Variants in SCLY observed in about 807,000 individuals in gnomAD.
SCLY encodes the protein putative selenocysteine lyase.
In SCLY, 38 loss-of-function variants were observed where a neutral mutation model predicts 50.1. The observed-to-expected ratio is 0.76, with a 90% confidence interval of 0.59 to 0.99. SCLY has a LOEUF of 0.99. SCLY is among the 50% of genes least tolerant of loss of function. SCLY has a pLI of 0.00. For missense variants in SCLY, 600 were observed against 620.0 expected, an observed-to-expected ratio of 0.97 and a Z score of 0.34; for synonymous variants, 243 against 249.4, an observed-to-expected ratio of 0.97 and a Z score of 0.24.
chr2:238,070,235 A>C (rs992300884), intron 4 of SCLY, among the ~76,000 whole-genome samples: 1 of 152,162 alleles, frequency 6.6e-6, no homozygotes, highest in Non-Finnish European at 1.5e-5. Context: ...AATCAACACT[A>C]TCCTTGAGAC....
intron 7 of SCLY, among the ~76,000 whole-genome samples, chr2:238,090,577 A>G (rs910249929): frequency 5.3e-5 from 8 of 152,168 alleles, no homozygotes; most frequent in Non-Finnish European, 8.8e-5. Flanking sequence ...CAGGTGGAGG[A>G]TGCAGTGAGT....
Position 238,094,635 on chromosome 2 carries a change from G to A in SCLY, c.1108+113G>A, listed in dbSNP as rs186559392. The A allele has an allele frequency of 5.9e-4, 556 of 937,482 alleles. 3 individuals carry two copies. The African/African-American group carries it at 6.7e-3, about 11-fold the overall frequency. 58.1% of individuals were successfully genotyped at this position (937,482 alleles called of 1,614,324 possible). A position where few individuals can be genotyped will look rare whatever the true frequency, so the allele number is the denominator to read the frequency against. On this transcript the variant is annotated intron_variant, in intron 10 of 11. Coordinates refer to ENST00000254663, the MANE Select transcript of SCLY (RefSeq NM_016510.7). ...CCCTGCCCTGAGCATGACACAGCTC[G>A]GGCTGTCAGAGGGCCTTGCTGGGGT...
rs144509712 is a variant in SCLY, at chr2:238,098,328, C to T, written c.1311C>T (p.Ala437=). The change falls in exon 12 of 12, where the codon GCC becomes GCT. Residue 437 remains alanine, a synonymous_variant. Coordinates refer to ENST00000254663, the MANE Select transcript of SCLY (RefSeq NM_016510.7). The part of the protein sequence containing the change: ...VDLVVQDLKQ[A]VAQLEDQA Reference sequence around the variant, plus strand: ...TCGTCGTGCAGGACCTGAAGCAGGCCGTGGCGCAGCTGGAGGACCAGGCCT... The same window carrying T: ...TCGTCGTGCAGGACCTGAAGCAGGCTGTGGCGCAGCTGGAGGACCAGGCCT... The T allele has an allele frequency of 9.0e-4, 1,442 of 1,603,766 alleles. No individual in the cohort carries two copies. The highest frequency in any genetic ancestry group is 1.1e-3 in the Non-Finnish European group (1,302 of 1,178,096).
intron 2 of SCLY, chr2:238,064,803 C>T (rs1204038016): frequency 6.2e-6 from 1 of 162,268 alleles, no homozygotes; most frequent in Non-Finnish European, 1.3e-5. Flanking sequence ...TCAATCCTTA[C>T]AGAATTTGCA....
At chr2:238,091,532 G>GA in intron 8 of SCLY, 8 of 454,220 alleles carry the variant, frequency 1.8e-5, no homozygotes, top group South Asian at 7.2e-5. Flanking sequence ...GAGGTGAAGT[G>GA]TCAAGCTGCA....
chr2:238,094,279 C>T, intron 9 of SCLY, 141 bp from the exon 10 acceptor site: 1 of 733,530 alleles, frequency 1.4e-6, no homozygotes, highest in Non-Finnish European at 2.3e-6. Flanking sequence ...CATAGTCCGT[C>T]CCCGTAACTA....
At chr2:238,093,761 T>G in intron 8 of SCLY, 100 bp from the exon 9 acceptor site, 1 of 1,074,586 alleles carries the variant, frequency 9.3e-7, no homozygotes, top group East Asian at 2.6e-5. Flanking sequence ...GTCAGGAGAA[T>G]GAGCAGTTTC....
intron 4 of SCLY, among the ~76,000 whole-genome samples, chr2:238,077,282 T>C (rs2065183673): frequency 6.6e-6 from 1 of 152,250 alleles, no homozygotes; most frequent in Non-Finnish European, 1.5e-5. Context: ...ATCCCTTTTA[T>C]TTTATGTAAG....
intron 4 of SCLY, among the ~76,000 whole-genome samples, chr2:238,073,311 T>C (rs1253373982): frequency 1.3e-5 from 2 of 152,232 alleles, no homozygotes; most frequent in Non-Finnish European, 2.9e-5. Context: ...AAATTTGTTA[T>C]TTTTTAATAT....
rs1214694242 is a variant in SCLY at position 238,079,079 on chromosome 2, T to C, written c.485-2630T>C. 1.9e-4 allele frequency: 25 copies of C among 128,836 alleles called. 2 individuals carry two copies. The highest frequency in any genetic ancestry group is 2.1e-4 in the East Asian group (1 of 4,720). 8.0% of individuals were successfully genotyped at this position (128,836 alleles called of 1,614,324 possible). On this transcript the variant is annotated intron_variant, in intron 4 of 11. Coordinates refer to ENST00000254663, the MANE Select transcript of SCLY (RefSeq NM_016510.7). ...CTTTCTTTCTTTTTCTTTTTTTTTT[T>C]TTTTTTTTTTTTTTTGACAAGATTC...
intron 11 of SCLY, among the ~76,000 whole-genome samples, chr2:238,097,148 GGGGCTGGGGA>G (rs1176590970): frequency 6.6e-6 from 1 of 150,766 alleles, no homozygotes; most frequent in Non-Finnish European, 1.5e-5. Context: ...CAGCGTGGCC[GGGGCTGGGGA>G]GGGCTGGGGC....
chr2:238,067,099 C>T lies in SCLY; in HGVS notation c.203-966C>T, dbSNP rs2249435. Reference sequence around the variant, plus strand: ...AGATTTGGGTGGGGACACAGCCAAACCATTATCACTGAGAGAGGGAAGGCT... The same window carrying T: ...AGATTTGGGTGGGGACACAGCCAAATCATTATCACTGAGAGAGGGAAGGCT... On this transcript the variant is annotated intron_variant, in intron 2 of 11. Transcript: ENST00000254663. The surrounding 1 kb of genome is among the most constrained non-coding windows in gnomAD (Gnocchi z 4.3). 0.11 allele frequency among the ~76,000 whole-genome samples: 16,244 copies of T among 152,048 alleles called. 1,092 individuals carry two copies. The highest frequency in any genetic ancestry group is 0.17 in the Middle Eastern group (50 of 294).
chr2:238,075,215 T>A (rs2065161749), intron 4 of SCLY, among the ~76,000 whole-genome samples: 1 of 152,234 alleles, frequency 6.6e-6, no homozygotes, highest in African/African-American at 2.4e-5. Context: ...TGTAATGTTG[T>A]ATTACCTTAA....
At chr2:238,097,330 G>A (rs1041997365) in intron 11 of SCLY, among the ~76,000 whole-genome samples, 2 of 152,128 alleles carry the variant, frequency 1.3e-5, no homozygotes, top group African/African-American at 4.8e-5. Context: ...CCGGGTGAGC[G>A]GGTGGGCTGC....
chr2:238,067,322 C>T lies in SCLY; in HGVS notation c.203-743C>T, dbSNP rs928326956. Among the ~76,000 whole-genome samples, 2 of 152,126 alleles carry T rather than the reference C, an allele frequency of 1.3e-5. No homozygotes were observed. Among genetic ancestry groups the T allele is most frequent in the African/African-American group, 2.4e-5 (1 of 41,426 alleles). ...TATATTTCTCTTTTTTATGATGTTT[C>T]GTAATAGTATATGTTTTAGCGGTGC... is the stretch of plus-strand genomic sequence containing the variant. On this transcript the variant is annotated intron_variant, in intron 2 of 11. Coordinates refer to ENST00000254663, the MANE Select transcript of SCLY (RefSeq NM_016510.7). The surrounding 1 kb of genome is among the most constrained non-coding windows in gnomAD (Gnocchi z 4.3).
At chr2:238,085,752 G>T (rs1404227522) in intron 7 of SCLY, among the ~76,000 whole-genome samples, 1 of 152,044 alleles carries the variant, frequency 6.6e-6, no homozygotes, top group East Asian at 1.9e-4. Flanking sequence ...GTTTAAAATA[G>T]AGCTTCAGGG....
Position 238,091,217 on chromosome 2 carries a change from G to A in SCLY, c.885-1G>A. 1 of 1,612,976 alleles carries A rather than the reference G, an allele frequency of 6.2e-7. No homozygotes were observed. The highest frequency in any genetic ancestry group is 8.5e-7 in the Non-Finnish European group (1 of 1,179,002). On this transcript the variant is annotated splice_acceptor_variant, in intron 7 of 11. Coordinates refer to ENST00000254663, the MANE Select transcript of SCLY (RefSeq NM_016510.7). LOFTEE classifies it high-confidence loss of function. ...CTTGCTTAATCCCTTGTTTCTTACA[G>A]GACAGAGAACACCCCAATGATTGCT... is the stretch of plus-strand genomic sequence containing the variant.
intron 9 of SCLY, 167 bp downstream of exon 9, chr2:238,094,111 T>C (rs1222009362): frequency 1.3e-5 from 9 of 675,466 alleles, no homozygotes; most frequent in Middle Eastern, 4.1e-4. Flanking sequence ...AGAAAGTACA[T>C]TGGGATCTGA....
At position 238,067,893 on chromosome 2, in the gene SCLY, G is replaced by C. The variant is rs1189639457; in HGVS notation, c.203-172G>C. Among the ~76,000 whole-genome samples, 2 of 152,180 alleles carry C rather than the reference G, an allele frequency of 1.3e-5. No homozygotes were observed. The highest frequency in any genetic ancestry group is 2.9e-5 in the Non-Finnish European group (2 of 68,028). ...TCGCTGCTGTCTCGGCCGCCCCTTT[G>C]CCGGGTTGTGTCTAGGTTGTAGCAT... On this transcript the variant is annotated intron_variant, in intron 2 of 11. Transcript: ENST00000254663. The surrounding 1 kb of genome is among the most constrained non-coding windows in gnomAD (Gnocchi z 4.3).
Sources: gnomAD v4.1 joint callset for allele counts (sites outside exome capture counted in the v4.1 genomes callset) on GRCh38, gnomAD v4.1.1 for gene constraint, Gnocchi (gnomAD v3.1) non-coding constraint, MANE v1.5 for transcripts, NCBI Gene and HGNC (gene_info 2026-07-23, HGNC 2026-07-21) for gene names.